The following LRRC28 variants were observed in gnomAD, a reference collection of about 807,000 sequenced individuals.
The protein encoded by LRRC28 is leucine-rich repeat-containing protein 28.
LRRC28 carries 39 observed loss-of-function variants against 45.7 expected under a neutral mutation model. The observed-to-expected ratio is 0.85, with a 90% confidence interval of 0.66 to 1.12. The LOEUF (loss-of-function observed/expected upper bound fraction) is 1.12, where lower values mean the gene tolerates loss of function less well. Among genes scored for constraint, LRRC28 ranks in the 50% most tolerant of loss-of-function variants. LRRC28 has a pLI of 0.00. For synonymous variants in LRRC28, 206 were observed against 178.8 expected (o/e 1.15, Z -1.22); for missense variants, 435 against 438.5 (o/e 0.99, Z 0.07).
chr15:99,300,715 C>G (rs1324806518), intron 5 of LRRC28, among the ~76,000 whole-genome samples: 2 of 152,032 alleles, frequency 1.3e-5, no homozygotes, highest in African/African-American at 4.8e-5. Context: ...AATCCCAGCC[C>G]CTCAGGAAGC....
At chr15:99,343,802 G>C (rs1956595611) in intron 6 of LRRC28, among the ~76,000 whole-genome samples, 1 of 152,100 alleles carries the variant, frequency 6.6e-6, no homozygotes, top group South Asian at 2.1e-4. Flanking sequence ...TGAGTGAAGG[G>C]TTTTTTATCT....
chr15:99,317,799 CAT>C (rs1405627862), intron 5 of LRRC28, among the ~76,000 whole-genome samples: 1 of 152,112 alleles, frequency 6.6e-6, no homozygotes, highest in Admixed American at 6.6e-5. Context: ...TTATAAAACA[CAT>C]GTCATCTCTG....
chr15:99,352,811 G>A (rs1229013537), intron 7 of LRRC28, among the ~76,000 whole-genome samples: 5 of 152,096 alleles, frequency 3.3e-5, no homozygotes, highest in South Asian at 2.1e-4. Flanking sequence ...CACACATACC[G>A]TTATAAACTC....
rs1958063838 is a variant in LRRC28, at chr15:99,387,580, AAG to A, written c.*1480_*1481del. 1 of 152,230 alleles carries A rather than the reference AAG, an allele frequency of 6.6e-6. No individual in the cohort carries two copies. The highest frequency in any genetic ancestry group is 2.1e-4 in the South Asian group (1 of 4,830). The allele number at this position is 152,230 out of a possible 1,614,324, so 9.4% of individuals were successfully genotyped here. ...GTCTGTGAGCCTCCACCCTGCCAGA[AAG>A]AACTCTTCATGAAGAAGTCACGTAT... On this transcript the variant is annotated 3_prime_UTR_variant, in exon 10 of 10. Coordinates refer to ENST00000301981, the MANE Select transcript of LRRC28 (RefSeq NM_144598.5).
At chr15:99,314,445 A>G (rs201884136) in intron 5 of LRRC28, among the ~76,000 whole-genome samples, 2,097 of 51,948 alleles carry the variant, frequency 0.04, 46 homozygotes, top group African/African-American at 0.17. Context: ...CTCTAAATAA[A>G]TAAATAAATA....
chr15:99,367,209 A>G (rs549102863), intron 9 of LRRC28, among the ~76,000 whole-genome samples: 5 of 152,272 alleles, frequency 3.3e-5, no homozygotes, highest in Admixed American at 6.5e-5. Context: ...CCTCCTTCTC[A>G]TGTTCAGTTA....
chr15:99,327,165 C>A (rs111585527), intron 5 of LRRC28, among the ~76,000 whole-genome samples: 3,436 of 152,142 alleles, frequency 0.023, 128 homozygotes, highest in African/African-American at 0.078. Flanking sequence ...ACCTCCACCC[C>A]CCGGGTTGAA....
At chr15:99,280,071 A>G (rs2152186622) in intron 3 of LRRC28, among the ~76,000 whole-genome samples, 1 of 152,184 alleles carries the variant, frequency 6.6e-6, no homozygotes, top group Non-Finnish European at 1.5e-5. Flanking sequence ...ATGATATTGA[A>G]CATCCTTTTG....
At chr15:99,349,858 C>T (rs6598238) in intron 6 of LRRC28, among the ~76,000 whole-genome samples, 62,548 of 152,052 alleles carry the variant, frequency 0.41, 14,291 homozygotes, top group African/African-American at 0.63. Flanking sequence ...AAAATGCGGC[C>T]GGGCGCGGTG....
chr15:99,328,009 G>A (rs370363044), intron 5 of LRRC28, among the ~76,000 whole-genome samples: 10 of 152,080 alleles, frequency 6.6e-5, no homozygotes, highest in African/African-American at 1.9e-4. Context: ...TTCCAAATAC[G>A]GGGATTTCCT....
At chr15:99,347,907 G>C (rs1956747039) in intron 6 of LRRC28, among the ~76,000 whole-genome samples, 1 of 151,890 alleles carries the variant, frequency 6.6e-6, no homozygotes, top group African/African-American at 2.4e-5. Context: ...CACATACTAG[G>C]GTTCCCTTTT....
intron 2 of LRRC28, chr15:99,258,938 C>A: frequency 1.4e-6 from 1 of 731,628 alleles, no homozygotes; most frequent in South Asian, 1.4e-5. Context: ...CTCAGGTGGT[C>A]TGTCTTTGAA....
intron 2 of LRRC28, among the ~76,000 whole-genome samples, chr15:99,261,094 A>G (rs191019656): frequency 6.6e-6 from 1 of 152,330 alleles, no homozygotes; most frequent in East Asian, 1.9e-4. Context: ...CAGTCGCTCA[A>G]AGCCGTGTAG....
chr15:99,265,611 G>A (rs1265753545), intron 2 of LRRC28, among the ~76,000 whole-genome samples: 1 of 152,158 alleles, frequency 6.6e-6, no homozygotes, highest in Non-Finnish European at 1.5e-5. Flanking sequence ...TAGCGTGGAA[G>A]CAACAATCAC....
At chr15:99,351,891 G>A (rs963524801) in intron 6 of LRRC28, among the ~76,000 whole-genome samples, 1 of 152,202 alleles carries the variant, frequency 6.6e-6, no homozygotes, top group Non-Finnish European at 1.5e-5. Flanking sequence ...AAGGAGCAAG[G>A]TGGTCATTGG....
chr15:99,362,270 A>G (rs1456826404), intron 8 of LRRC28, among the ~76,000 whole-genome samples: 1 of 152,272 alleles, frequency 6.6e-6, no homozygotes, highest in Non-Finnish European at 1.5e-5. Context: ...TGGTTTTAAA[A>G]GCTAAACAGA....
At chr15:99,276,694 T>A in intron 3 of LRRC28, 78 bp downstream of exon 3, 1 of 1,140,454 alleles carries the variant, frequency 8.8e-7, no homozygotes. Flanking sequence ...GGATATGTCA[T>A]CTTAATGTAT....
chr15:99,268,634 G>C (rs1278629583), intron 2 of LRRC28, among the ~76,000 whole-genome samples: 1 of 152,140 alleles, frequency 6.6e-6, no homozygotes, highest in Admixed American at 6.5e-5. Flanking sequence ...TAAGGCACTT[G>C]TACACGGATC....
rs1957989215 is a variant in LRRC28 at position 99,386,320 on chromosome 15, CTTT to C, written c.*221_*223del. Reference sequence around the variant, plus strand: ...GACCCATTTGTCTTCTGTGTTTTTCCTTTTTATGTGAGTGTGTCTTTTACAGAA... The same window carrying C: ...GACCCATTTGTCTTCTGTGTTTTTCCTTATGTGAGTGTGTCTTTTACAGAA... On this transcript the variant is annotated 3_prime_UTR_variant, in exon 10 of 10. Transcript: ENST00000301981. The C allele has an allele frequency of 1.0e-5, 5 of 492,072 alleles. No individual in the cohort carries two copies. The highest frequency in any genetic ancestry group is 1.8e-5 in the Non-Finnish European group (5 of 276,972). The allele number at this position is 492,072 out of a possible 1,614,324, so 30.5% of individuals were successfully genotyped here.
Sources: allele counts gnomAD v4.1 joint callset (sites outside exome capture counted in the v4.1 genomes callset), GRCh38; gene constraint gnomAD v4.1.1; transcripts MANE v1.5; gene names NCBI Gene and HGNC (gene_info 2026-07-23, HGNC 2026-07-21).